Variants in DIP2C observed in about 807,000 individuals in gnomAD.
DIP2C encodes the protein DIP2 acetate--CoA ligase C (putative).
A neutral mutation model predicts 192.4 loss-of-function variants in DIP2C; 33 were observed. That is an observed-to-expected ratio of 0.17 (90% CI 0.13 to 0.23). The LOEUF (loss-of-function observed/expected upper bound fraction) is 0.23, where lower values mean the gene tolerates loss of function less well. DIP2C is among the 10% of genes least tolerant of loss of function. The probability of loss-of-function intolerance (pLI) is 1.00; values close to 1 mark genes in which losing one functional copy is unlikely to be tolerated. For missense variants in DIP2C, 1,537 were observed against 2,110.1 expected, an observed-to-expected ratio of 0.73 and a Z score of 5.32; for synonymous variants, 979 against 864.1, an observed-to-expected ratio of 1.13 and a Z score of -2.33.
At chr10:343,593 T>TAA (rs1349380106) in intron 28 of DIP2C, among the ~76,000 whole-genome samples, 1 of 152,228 alleles carries the variant, frequency 6.6e-6, no homozygotes, top group East Asian at 1.9e-4. Flanking sequence ...TAGCTTGCTT[T>TAA]TAAGGCAAAT....
chr10:285,462 C>T (rs1564505709), intron 34 of DIP2C, among the ~76,000 whole-genome samples: 2 of 152,170 alleles, frequency 1.3e-5, no homozygotes, highest in Non-Finnish European at 2.9e-5. Context: ...TCCAACGGCA[C>T]GGCAGGCCGG....
At chr10:595,140 C>T (rs189739916) in intron 1 of DIP2C, among the ~76,000 whole-genome samples, 19 of 152,274 alleles carry the variant, frequency 1.2e-4, no homozygotes, top group Non-Finnish European at 2.1e-4. Context: ...GCAGCAAAGG[C>T]GAGGCGCAGG....
chr10:586,474 C>T (rs1851032743), intron 1 of DIP2C, among the ~76,000 whole-genome samples: 1 of 128,548 alleles, frequency 7.8e-6, no homozygotes, highest in Non-Finnish European at 1.5e-5. Flanking sequence ...AGAGGCCACC[C>T]CAGGCAGACC....
Position 363,348 on chromosome 10 carries a change from G to A in DIP2C, c.2478-37C>T, listed in dbSNP as rs756962223. On this transcript the variant is annotated intron_variant, in intron 20 of 36. Transcript: ENST00000280886. The surrounding 1 kb of genome is among the most constrained non-coding windows in gnomAD (Gnocchi z 5.4). ...CAGGAGCATGGTGAGCACGCGCCGGGGACGCTCATGCAGCCCTCCCTCCGC... is the reference window on the plus strand; with the variant it reads ...CAGGAGCATGGTGAGCACGCGCCGGAGACGCTCATGCAGCCCTCCCTCCGC... The A allele has an allele frequency of 3.2e-6, 5 of 1,582,544 alleles. No individual in the cohort carries two copies. Among genetic ancestry groups the A allele is most frequent in the Non-Finnish European group, 2.6e-6 (3 of 1,159,752 alleles).
chr10:403,659 G>A (rs1414906589), intron 9 of DIP2C, among the ~76,000 whole-genome samples: 1 of 113,922 alleles, frequency 8.8e-6, no homozygotes, highest in Non-Finnish European at 1.8e-5. Context: ...TTTGGTATGT[G>A]TTCATCAGCA....
intron 1 of DIP2C, among the ~76,000 whole-genome samples, chr10:582,367 T>G (rs1419433121): frequency 6.6e-6 from 1 of 152,084 alleles, no homozygotes; most frequent in East Asian, 1.9e-4. Flanking sequence ...ACCGTACACT[T>G]AACATAAAAC....
chr10:299,186 T>G (rs1280218646), intron 32 of DIP2C, among the ~76,000 whole-genome samples: 1 of 152,238 alleles, frequency 6.6e-6, no homozygotes, highest in Non-Finnish European at 1.5e-5. Context: ...GAGGATAAGT[T>G]AAATACATCA....
intron 2 of DIP2C, among the ~76,000 whole-genome samples, chr10:482,616 T>C (rs1001602491): frequency 6.6e-6 from 1 of 152,096 alleles, no homozygotes; most frequent in Non-Finnish European, 1.5e-5. Flanking sequence ...CCAAGAAACA[T>C]TTCACAGACA....
At chr10:602,198 A>C (rs190281835) in intron 1 of DIP2C, among the ~76,000 whole-genome samples, 6 of 152,292 alleles carry the variant, frequency 3.9e-5, no homozygotes, top group South Asian at 4.1e-4. Context: ...CTGCAGTCCT[A>C]AAGTGTCAGT....
rs756067625 is a variant in DIP2C, at chr10:419,121, G to A, written c.683C>T (p.Thr228Met). The A allele has an allele frequency of 6.7e-5, 108 of 1,614,156 alleles. No homozygotes were observed. In the Admixed American group the frequency reaches 1.1e-3, roughly 16 times the overall value. The change falls in exon 6 of 37, where the codon ACG (threonine) becomes ATG (methionine). Residue 228 changes from threonine (T) to methionine (M), a missense_variant. Physicochemically the swap from Thr to Met is moderately conservative, Grantham distance 81 (BLOSUM62 -1). Coordinates refer to ENST00000280886, the MANE Select transcript of DIP2C (RefSeq NM_014974.3). ...SIQVERPQGS[T>M]GSRTAPKYGN... ...GTACTTGGGCGCTGTCCGGGACCCC[G>A]TGGAACCCTGCGGTCTCTCCACCTG...
chr10:490,795 CG>C (rs1564782573), intron 1 of DIP2C, among the ~76,000 whole-genome samples: 2 of 152,036 alleles, frequency 1.3e-5, no homozygotes, highest in African/African-American at 4.8e-5. Flanking sequence ...AGAGACTTTC[CG>C]TAAGAATTAA....
At chr10:417,124 C>A (rs761555335) in intron 6 of DIP2C, among the ~76,000 whole-genome samples, 2 of 152,076 alleles carry the variant, frequency 1.3e-5, no homozygotes, top group African/African-American at 4.8e-5. Flanking sequence ...CATTAAATAG[C>A]CCAACTAATT....
intron 1 of DIP2C, among the ~76,000 whole-genome samples, chr10:500,069 G>GC (rs1193285770): frequency 2.0e-5 from 3 of 152,178 alleles, no homozygotes; most frequent in Admixed American, 6.5e-5. Flanking sequence ...TAAAACTAGG[G>GC]CCCCCTCAGC....
chr10:493,918 C>T (rs573140803), intron 1 of DIP2C, among the ~76,000 whole-genome samples: 3 of 152,214 alleles, frequency 2.0e-5, no homozygotes, highest in South Asian at 2.1e-4. Context: ...ACCGCCTGGC[C>T]CAGTGCCGCC....
chr10:483,146 C>T (rs1843728542), intron 2 of DIP2C, among the ~76,000 whole-genome samples: 1 of 152,226 alleles, frequency 6.6e-6, no homozygotes, highest in Non-Finnish European at 1.5e-5. Context: ...CCCATTGTAG[C>T]TCGTAATTCT....
chr10:564,786 C>G (rs992697451), intron 1 of DIP2C, among the ~76,000 whole-genome samples: 4 of 152,168 alleles, frequency 2.6e-5, no homozygotes, highest in South Asian at 2.1e-4. Context: ...GCCACCTCCA[C>G]CCAGTGCTCT....
chr10:545,134 TAGGCCCTGATCC>T (rs1200609284), intron 1 of DIP2C, among the ~76,000 whole-genome samples: 4 of 148,674 alleles, frequency 2.7e-5, no homozygotes, highest in Non-Finnish European at 5.9e-5. Context: ...ATCTTAAGAG[TAGGCCCTGATCC>T]AACATGACTG....
intron 31 of DIP2C, chr10:311,404 C>G (rs1172356025): frequency 2.6e-6 from 2 of 777,056 alleles, no homozygotes; most frequent in Non-Finnish European, 3.5e-6. Context: ...CCGGCAGCAC[C>G]CATGATCACA....
intron 1 of DIP2C, among the ~76,000 whole-genome samples, chr10:495,530 T>C (rs1564787730): frequency 1.3e-5 from 2 of 151,292 alleles, no homozygotes; most frequent in Non-Finnish European, 2.9e-5. Context: ...TTGGTTTGTG[T>C]GGAAAAAATT....
Sources: gnomAD v4.1 joint callset for allele counts (sites outside exome capture counted in the v4.1 genomes callset) on GRCh38, gnomAD v4.1.1 for gene constraint, Gnocchi (gnomAD v3.1) non-coding constraint, MANE v1.5 for transcripts, NCBI Gene and HGNC (gene_info 2026-07-23, HGNC 2026-07-21) for gene names.